The following DLL3 variants were observed in gnomAD, a reference collection of about 807,000 sequenced individuals.
DLL3 encodes the protein delta-like protein 3.
Under a neutral mutation model 55.0 loss-of-function variants are expected in DLL3, and 49 were observed. The observed-to-expected ratio is 0.89, with a 90% CI of 0.71 to 1.13. The LOEUF is 1.13. DLL3 is among the 50% of genes most tolerant of loss of function. The pLI is 0.00. For missense variants in DLL3, 962 were observed against 875.5 expected (o/e 1.10, Z -1.25); for synonymous variants, 421 against 385.2 (o/e 1.09, Z -1.09).
At position 39,503,035 on chromosome 19, in the gene DLL3, C is replaced by T; in HGVS notation, c.630C>T (p.Leu210=). 2 of 1,520,868 alleles carry T rather than the reference C, an allele frequency of 1.3e-6. No individual in the cohort carries two copies. Among genetic ancestry groups the T allele is most frequent in the Non-Finnish European group, 8.8e-7 (1 of 1,141,038 alleles). 94.2% of individuals were successfully genotyped at this position (1,520,868 alleles called of 1,614,324 possible). The change falls in exon 4 of 9, where the codon CTC becomes CTT. Residue 210 remains leucine (L), a synonymous_variant. Transcript: ENST00000356433. ...CGPGLRPCAP[L]EDECEAPLVC... Reference sequence around the variant, plus strand: ...CGGGACTGCGCCCCTGCGCACCGCTCGAGGACGAATGTGAGGCGCCGCGTG... The same window carrying T: ...CGGGACTGCGCCCCTGCGCACCGCTTGAGGACGAATGTGAGGCGCCGCGTG...
chr19:39,507,798 T>A (rs1568451957), intron 7 of DLL3, 32 bp from the exon 8 acceptor site: 2 of 1,613,458 alleles, frequency 1.2e-6, no homozygotes, highest in South Asian at 2.2e-5. Flanking sequence ...ATTTAAAGAG[T>A]CTGAGTTTTT....
At chr19:39,506,605 A>C (rs1351893867) in intron 6 of DLL3, among the ~76,000 whole-genome samples, 2 of 152,068 alleles carry the variant, frequency 1.3e-5, no homozygotes, top group Admixed American at 1.3e-4. Flanking sequence ...ATGTAGGAGC[A>C]CAGGGCAGTG....
In DLL3 at chr19:39,499,024, C is replaced by T. The variant is rs1459986375; in HGVS notation, c.50C>T (p.Ala17Val). 1.9e-6 allele frequency: 3 copies of T among 1,613,942 alleles called. No individual in the cohort carries two copies. Among genetic ancestry groups the T allele is most frequent in the South Asian group, 1.1e-5 (1 of 91,084 alleles). ...CTCCTCTCCCAGACTGTGATCCTAG[C>T]GCTCATTTTCCTCCCCCAGGTCAGA... ...SGLLSQTVIL[A>V]LIFLPQTRPA... The change falls in exon 1 of 9, where the codon GCG (alanine) becomes GTG (valine). Residue 17 changes from alanine (A) to valine (V), a missense_variant. Transcript: ENST00000356433.
Position 39,507,209 on chromosome 19 carries a change from G to C in DLL3, c.1264G>C (p.Gly422Arg). 7.6e-7 allele frequency: 1 copy of C among 1,320,730 alleles called. No homozygotes were observed. The highest frequency in any genetic ancestry group is 9.6e-7 in the Non-Finnish European group (1 of 1,045,390). 81.8% of individuals were successfully genotyped at this position (1,320,730 alleles called of 1,614,324 possible). ...AHRCSCALGFGGRDCRERADP... is the reference protein window; with the variant it reads ...AHRCSCALGFRGRDCRERADP... ...CCGCTGCTCCTGCGCGCTGGGCTTCGGCGGCCGCGACTGCCGCGAGCGCGC... is the reference window on the plus strand; with the variant it reads ...CCGCTGCTCCTGCGCGCTGGGCTTCCGCGGCCGCGACTGCCGCGAGCGCGC... The change falls in exon 7 of 9, where the codon GGC becomes CGC. Residue 422 changes from glycine to arginine, a missense_variant. Coordinates refer to ENST00000356433, the MANE Select transcript of DLL3 (RefSeq NM_203486.3).
At position 39,502,853 on chromosome 19, in the gene DLL3, C is replaced by A. The variant is rs942513166; in HGVS notation, c.448C>A (p.Arg150=). 1 of 1,413,316 alleles carries A rather than the reference C, an allele frequency of 7.1e-7. No homozygotes were observed. The highest frequency in any genetic ancestry group is 9.2e-7 in the Non-Finnish European group (1 of 1,088,540). The allele number at this position is 1,413,316 out of a possible 1,614,324, so 87.5% of individuals were successfully genotyped here. A position where few individuals can be genotyped will look rare whatever the true frequency, so the allele number is the denominator to read the frequency against. Residue 150 remains arginine (R), a synonymous_variant, in exon 4 of 9, where the codon CGG becomes AGG. Coordinates refer to ENST00000356433, the MANE Select transcript of DLL3 (RefSeq NM_203486.3). ...WSLLARVAGR[R]RLAAGGPWAR... ...CCTGCTGGCGCGCGTGGCTGGCAGG[C>A]GGCGCTTGGCAGCCGGAGGCCCGTG...
Position 39,500,733 on chromosome 19 carries a change from G to A in DLL3, c.409+61G>A, listed in dbSNP as rs377405105. 6,174 of 1,477,786 alleles carry A rather than the reference G, an allele frequency of 4.2e-3. 11 individuals carry two copies. Among genetic ancestry groups the A allele is most frequent in the Middle Eastern group, 0.019 (107 of 5,758 alleles). 91.5% of individuals were successfully genotyped at this position (1,477,786 alleles called of 1,614,324 possible). On this transcript the variant is annotated intron_variant, in intron 3 of 8. Coordinates refer to ENST00000356433, the MANE Select transcript of DLL3 (RefSeq NM_203486.3). ...GGGGCCCACGTGAGACACGGGGTTG[G>A]TGGTGTTATCTATAGGTCTTATGAT...
intron 4 of DLL3, among the ~76,000 whole-genome samples, chr19:39,503,336 T>C (rs1726935739): frequency 6.6e-6 from 1 of 152,130 alleles, no homozygotes; most frequent in African/African-American, 2.4e-5. Context: ...TCGAGCCCCC[T>C]TCCCTCTCCC....
intron 8 of DLL3, 47 bp downstream of exon 8, chr19:39,507,961 A>G: frequency 2.5e-6 from 4 of 1,614,102 alleles, no homozygotes; most frequent in Non-Finnish European, 3.4e-6. Context: ...CGCGCTGGGC[A>G]GAGGCAGCAC....
In DLL3 at chr19:39,505,327, C is replaced by A. The variant is rs139638161; in HGVS notation, c.969C>A (p.Asn323Lys). The A allele has an allele frequency of 6.2e-7, 1 of 1,614,184 alleles. No homozygotes were observed. Among genetic ancestry groups the A allele is most frequent in the Non-Finnish European group, 8.5e-7 (1 of 1,180,032 alleles). The stretch of plus-strand genomic sequence containing the variant: ...CATGTGCAGATGGACCCTGCTTCAA[C>A]GGCGGCTTGTGTGTCGGGGGTGCAG... ...GVTCADGPCF[N>K]GGLCVGGADP... is the part of the protein sequence containing the mutation. The change falls in exon 6 of 9, where the codon AAC becomes AAA. Residue 323 changes from asparagine (N) to lysine (K), a missense_variant. Asn to Lys is a moderately conservative substitution (Grantham distance 94, BLOSUM62 0). Coordinates refer to ENST00000356433, the MANE Select transcript of DLL3 (RefSeq NM_203486.3).
Position 39,500,355 on chromosome 19 carries a change from G to A in DLL3, c.352-260G>A, listed in dbSNP as rs12981928. On this transcript the variant is annotated intron_variant, in intron 2 of 8. Coordinates refer to ENST00000356433, the MANE Select transcript of DLL3 (RefSeq NM_203486.3). ...GAGGTGGGAGGATTGCTTGAGCCTCGGAGGTTGTTGCAGTGAGCCAAGATT... is the reference window on the plus strand; with the variant it reads ...GAGGTGGGAGGATTGCTTGAGCCTCAGAGGTTGTTGCAGTGAGCCAAGATT... Among the ~76,000 whole-genome samples, 41,488 of 149,306 alleles carry A rather than the reference G, an allele frequency of 0.28. 6,255 individuals are homozygous for A. The highest frequency in any genetic ancestry group is 0.42 in the Middle Eastern group (120 of 288).
Position 39,505,418 on chromosome 19 carries a change from G to T in DLL3, c.1060G>T (p.Val354Leu), listed in dbSNP as rs756610034. 2 of 1,614,072 alleles carry T rather than the reference G, an allele frequency of 1.2e-6. No individual in the cohort carries two copies. Among genetic ancestry groups the T allele is most frequent in the South Asian group, 2.2e-5 (2 of 91,080 alleles). ...CCAAGGCTCCAACTGTGAGAAGAGG[G>T]TGGACCGGTGCAGCCTGCAGCCATG... is the stretch of plus-strand genomic sequence containing the variant. ...GFQGSNCEKRVDRCSLQPCRN... is the reference protein window; with the variant it reads ...GFQGSNCEKRLDRCSLQPCRN... Residue 354 changes from valine to leucine, a missense_variant, in exon 6 of 9, where the codon GTG becomes TTG. Val to Leu is a conservative substitution (Grantham distance 32, BLOSUM62 1). Coordinates refer to ENST00000356433, the MANE Select transcript of DLL3 (RefSeq NM_203486.3).
chr19:39,508,033 A>G, intron 8 of DLL3, 119 bp downstream of exon 8: 1 of 1,608,296 alleles, frequency 6.2e-7, no homozygotes, highest in Non-Finnish European at 8.5e-7. Context: ...AGTCTCTGGA[A>G]GGTTTTAAGC....
At chr19:39,506,982 C>T (rs867349220) in intron 6 of DLL3, 57 bp from the exon 7 acceptor site, 3 of 1,509,432 alleles carry the variant, frequency 2.0e-6, no homozygotes, top group Non-Finnish European at 2.7e-6. Flanking sequence ...GGAAACAGCG[C>T]GGGCAGGTGG....
chr19:39,507,853 C>G lies in DLL3; in HGVS notation c.1697C>G (p.Pro566Arg). The change falls in exon 8 of 9, where the codon CCT becomes CGT. Residue 566 changes from proline to arginine, a missense_variant. Coordinates refer to ENST00000356433, the MANE Select transcript of DLL3 (RefSeq NM_203486.3). ...AGCTCGTCCGTAGATTGGAATCGCC[C>G]TGAAGATGTAGACCCTCAAGGGATT... is the stretch of plus-strand genomic sequence containing the variant. The part of the protein sequence containing the change: ...GPSSSVDWNR[P>R]EDVDPQGIYV... 1 of 1,614,148 alleles carries G rather than the reference C, an allele frequency of 6.2e-7. No homozygotes were observed. Among genetic ancestry groups the G allele is most frequent in the Non-Finnish European group, 8.5e-7 (1 of 1,180,048 alleles).
rs1352959894 is a variant in DLL3 at position 39,507,317 on chromosome 19, G to C, written c.1372G>C (p.Gly458Arg). Residue 458 changes from glycine to arginine, a missense_variant, in exon 7 of 9, where the codon GGC becomes CGC. Transcript: ENST00000356433. Reference protein sequence around the residue: ...FSGLVCACAPGYMGARCEFPV... With the variant: ...FSGLVCACAPRYMGARCEFPV... ...CGGCCTCGTCTGCGCTTGCGCTCCC[G>C]GCTACATGGGAGCGCGGTGTGAGTT... 4 of 1,562,800 alleles carry C rather than the reference G, an allele frequency of 2.6e-6. No individual in the cohort carries two copies. The South Asian group carries it at 4.6e-5, about 18-fold the overall frequency.
chr19:39,507,040 C>G lies in DLL3; in HGVS notation c.1095C>G (p.Gly365=), dbSNP rs768362076. 14 of 1,535,246 alleles carry G rather than the reference C, an allele frequency of 9.1e-6. No homozygotes were observed. Among genetic ancestry groups the G allele is most frequent in the Non-Finnish European group, 1.2e-5 (14 of 1,147,268 alleles). ...DRCSLQPCRN[G]GLCLDLGHAL... is the part of the protein sequence containing the mutation. ...CCTCTGATGCTCCCTTCCCCACAGGCGGACTCTGCCTGGACCTGGGCCACG... is the reference window on the plus strand; with the variant it reads ...CCTCTGATGCTCCCTTCCCCACAGGGGGACTCTGCCTGGACCTGGGCCACG... Residue 365 remains glycine, a splice_region_variant and synonymous_variant, in exon 7 of 9, where the codon GGC becomes GGG. Transcript: ENST00000356433.
Position 39,504,089 on chromosome 19 carries a change from G to C in DLL3, c.671G>C (p.Cys224Ser). ...CEAPLVCRAG[C>S]SPEHGFCEQP... ...CCCATAGTGGTGTGCCGAGCAGGCT[G>C]CAGCCCTGAGCATGGCTTCTGTGAA... The change falls in exon 5 of 9, where the codon TGC becomes TCC. Residue 224 changes from cysteine (C) to serine (S), a missense_variant. By Grantham distance (112) the Cys-to-Ser change is moderately radical (BLOSUM62 -1). Transcript: ENST00000356433. 6.2e-7 allele frequency: 1 copy of C among 1,613,304 alleles called. No homozygotes were observed. Among genetic ancestry groups the C allele is most frequent in the Non-Finnish European group, 8.5e-7 (1 of 1,180,032 alleles).
Position 39,500,651 on chromosome 19 carries a change from G to C in DLL3, c.388G>C (p.Glu130Gln), listed in dbSNP as rs1424242745. The stretch of plus-strand genomic sequence containing the variant: ...TTTCATCATCGAAACCTGGAGAGAG[G>C]AGTTAGGAGACCAGATTGGAGGTGA... ...FSFIIETWRE[E>Q]LGDQIGGPAW... Residue 130 changes from glutamate (E) to glutamine (Q), a missense_variant, in exon 3 of 9, where the codon GAG (glutamate) becomes CAG (glutamine). Transcript: ENST00000356433. 6.2e-7 allele frequency: 1 copy of C among 1,613,790 alleles called. No homozygotes were observed. The highest frequency in any genetic ancestry group is 1.7e-5 in the Admixed American group (1 of 59,996).
At position 39,507,475 on chromosome 19, in the gene DLL3, C is replaced by G. The variant is rs1192946122; in HGVS notation, c.1530C>G (p.Leu510=). 2.5e-6 allele frequency: 4 copies of G among 1,594,568 alleles called. No homozygotes were observed. Among genetic ancestry groups the G allele is most frequent in the Non-Finnish European group, 2.6e-6 (3 of 1,171,912 alleles). The change falls in exon 7 of 9, where the codon CTC becomes CTG. Residue 510 remains leucine, a synonymous_variant. Coordinates refer to ENST00000356433, the MANE Select transcript of DLL3 (RefSeq NM_203486.3). ...LVAAGVAGAA[L]LLVHVRRRGH... is the part of the protein sequence containing the mutation. ...CCGCGGGCGTGGCCGGCGCTGCGCT[C>G]TTGCTGGTCCACGTGCGCCGCCGTG... is the stretch of plus-strand genomic sequence containing the variant.
Sources: gnomAD v4.1 joint callset for allele counts (sites outside exome capture counted in the v4.1 genomes callset) on GRCh38, gnomAD v4.1.1 for gene constraint, MANE v1.5 for transcripts, NCBI Gene and HGNC (gene_info 2026-07-23, HGNC 2026-07-21) for gene names.